The following AZIN2 variants were observed in gnomAD, a reference collection of about 807,000 sequenced individuals.
AZIN2 encodes ODC antizyme inhibitor-2.
A neutral mutation model predicts 47.8 loss-of-function variants in AZIN2; 28 were observed. The ratio of observed to expected loss-of-function variants is 0.59; its 90% CI spans 0.43 to 0.80. AZIN2 has a LOEUF of 0.80. AZIN2 is among the 30% of genes least tolerant of loss of function. The probability of loss-of-function intolerance (pLI) is 0.00; values close to 1 mark genes in which losing one functional copy is unlikely to be tolerated. For missense variants in AZIN2, 535 were observed against 582.5 expected (o/e 0.92, Z 0.84); for synonymous variants, 221 against 239.4 (o/e 0.92, Z 0.71).
intron 7 of AZIN2, 91 bp downstream of exon 7, chr1:33,093,507 C>T: frequency 1.4e-6 from 2 of 1,476,430 alleles, no homozygotes; most frequent in Admixed American, 4.3e-5. Context: ...TTCCCCAGGG[C>T]CTCTGAGTAG....
Position 33,122,726 on chromosome 1 carries a change from G to C in AZIN2, c.*2544G>C, listed in dbSNP as rs1644817399. Among the ~76,000 whole-genome samples the C allele has an allele frequency of 6.6e-6, 1 of 152,060 alleles. No individual in the cohort carries two copies. Among genetic ancestry groups the C allele is most frequent in the South Asian group, 2.1e-4 (1 of 4,822 alleles). ...CCTATCACAGACCCATCCTTCCCTGGGGCATCACCTGAGGAACATCCTCTT... is the reference window on the plus strand; with the variant it reads ...CCTATCACAGACCCATCCTTCCCTGCGGCATCACCTGAGGAACATCCTCTT... On this transcript the variant is annotated 3_prime_UTR_variant, in exon 12 of 12. Transcript: ENST00000294517.
chr1:33,151,565 TC>T, the AZIN2 span, among the ~76,000 whole-genome samples: 6 of 152,090 alleles, frequency 3.9e-5, no homozygotes, highest in Non-Finnish European at 8.8e-5. Context: ...CCTCCATCTG[TC>T]CCTCATCCCC....
downstream of AZIN2, among the ~76,000 whole-genome samples, chr1:33,128,103 C>T (rs929877334): frequency 1.3e-5 from 2 of 151,702 alleles, no homozygotes; most frequent in Admixed American, 6.6e-5. Context: ...GTAGCTCACA[C>T]CTGTAATCCC....
intron 11 of AZIN2, chr1:33,118,499 G>A (rs1261221331): frequency 1.7e-5 from 3 of 173,482 alleles, no homozygotes; most frequent in Admixed American, 1.1e-4. Context: ...CGCATGGAGA[G>A]TGGCTGTGAC....
chr1:33,143,376 A>G, the AZIN2 span: 2 of 152,262 alleles, frequency 1.3e-5, no homozygotes, highest in Non-Finnish European at 2.9e-5. Flanking sequence ...CAGAGGGAGA[A>G]GGCTGAGCAA....
At chr1:33,109,410 C>A (rs755721478) in intron 10 of AZIN2, among the ~76,000 whole-genome samples, 7 of 151,574 alleles carry the variant, frequency 4.6e-5, no homozygotes, top group Non-Finnish European at 7.4e-5. Context: ...CTCACTGCAA[C>A]CTTCGCCTCC....
the AZIN2 span, chr1:33,166,209 C>T: frequency 6.6e-6 from 1 of 152,294 alleles, no homozygotes; most frequent in African/African-American, 2.4e-5. Context: ...GCTCAGGGCT[C>T]CCACTGATCC....
intron 10 of AZIN2, among the ~76,000 whole-genome samples, chr1:33,102,191 C>T (rs538429672): frequency 6.6e-6 from 1 of 152,264 alleles, no homozygotes; most frequent in African/African-American, 2.4e-5. Flanking sequence ...AAACATTTTC[C>T]CAGTGGAATG....
At chr1:33,086,576 C>T (rs566583505) in intron 5 of AZIN2, among the ~76,000 whole-genome samples, 19 of 152,336 alleles carry the variant, frequency 1.2e-4, no homozygotes, top group African/African-American at 4.3e-4. Context: ...TGCTTAACAG[C>T]GTTGTGCCTT....
intron 10 of AZIN2, among the ~76,000 whole-genome samples, chr1:33,111,052 C>T (rs143096156): frequency 6.6e-6 from 1 of 152,294 alleles, no homozygotes; most frequent in African/African-American, 2.4e-5. Flanking sequence ...GTGACTACTG[C>T]AACAATCCAT....
chr1:33,095,861 A>G (rs1643095388), intron 8 of AZIN2, among the ~76,000 whole-genome samples: 1 of 152,006 alleles, frequency 6.6e-6, no homozygotes, highest in South Asian at 2.1e-4. Context: ...TTTTTGAGAC[A>G]GAGTCTCACT....
rs1264335226 is a variant in AZIN2 at position 33,113,656 on chromosome 1, C to T, written c.1030-4246C>T. ...TTTGAGACCTGGCTCTGCCATAGACCAGCTGAGTAACCTTAGGCAAAGCAA... is the reference window on the plus strand; with the variant it reads ...TTTGAGACCTGGCTCTGCCATAGACTAGCTGAGTAACCTTAGGCAAAGCAA... On this transcript the variant is annotated intron_variant, in intron 10 of 11. Coordinates refer to ENST00000294517, the MANE Select transcript of AZIN2 (RefSeq NM_052998.4). This position sits in a 1 kb window ranked among gnomAD's most constrained non-coding sequence, Gnocchi z 4.1. Among the ~76,000 whole-genome samples the T allele has an allele frequency of 6.6e-6, 1 of 152,160 alleles. No individual in the cohort carries two copies. Among genetic ancestry groups the T allele is most frequent in the Non-Finnish European group, 1.5e-5 (1 of 68,028 alleles).
chr1:33,098,772 T>C (rs1246619309), intron 10 of AZIN2, among the ~76,000 whole-genome samples: 3 of 149,582 alleles, frequency 2.0e-5, no homozygotes, highest in South Asian at 4.2e-4. Flanking sequence ...CTCTCTCTCT[T>C]TTTTTTTTTG....
At chr1:33,136,115 CT>C in the AZIN2 span, among the ~76,000 whole-genome samples, 4 of 30,240 alleles carry the variant, frequency 1.3e-4, no homozygotes, top group South Asian at 2.0e-3. Flanking sequence ...GGGGCCAGCC[CT>C]TCCTTCCTTC....
chr1:33,097,993 C>A (rs756757350), intron 9 of AZIN2, 74 bp from the exon 10 acceptor site: 7 of 1,096,506 alleles, frequency 6.4e-6, no homozygotes, highest in Non-Finnish European at 8.4e-6. Context: ...TTACTGAGCC[C>A]ACTGTTGTGT....
intron 6 of AZIN2, 27 bp downstream of exon 6, chr1:33,092,249 G>GCTGGGCTGTGGGGAGC (rs746953231): frequency 7.5e-6 from 12 of 1,602,566 alleles, no homozygotes; most frequent in South Asian, 3.3e-5. Context: ...TCATGGGGAG[G>GCTGGGCTGTGGGGAGC]CTGGGCTGTG....
chr1:33,166,221 A>G, the AZIN2 span: 3 of 152,298 alleles, frequency 2.0e-5, no homozygotes, highest in Non-Finnish European at 4.4e-5. Flanking sequence ...CACTGATCCT[A>G]CATCATGTTG....
the AZIN2 span, among the ~76,000 whole-genome samples, chr1:33,131,621 GAAATA>G: frequency 1.3e-5 from 2 of 151,792 alleles, no homozygotes; most frequent in East Asian, 1.9e-4. Context: ...ATGTTTAAAA[GAAATA>G]AAATAAATAA....
At chr1:33,156,228 TTTC>T in the AZIN2 span, among the ~76,000 whole-genome samples, 1 of 152,196 alleles carries the variant, frequency 6.6e-6, no homozygotes, top group Admixed American at 6.5e-5. Flanking sequence ...ATATGCTGTA[TTTC>T]TTCTATCATA....
Sources: allele counts gnomAD v4.1 joint callset (sites outside exome capture counted in the v4.1 genomes callset), GRCh38; gene constraint gnomAD v4.1.1; non-coding constraint Gnocchi (gnomAD v3.1); transcripts MANE v1.5; gene names NCBI Gene and HGNC (gene_info 2026-07-23, HGNC 2026-07-21).